Variants in RASGEF1C observed in about 807,000 individuals in gnomAD.
The protein encoded by RASGEF1C is ras-GEF domain-containing family member 1C.
Under a neutral mutation model 58.1 loss-of-function variants are expected in RASGEF1C, and 27 were observed. The observed-to-expected ratio is 0.46, with a 90% confidence interval of 0.34 to 0.64. The LOEUF is 0.64. Ranked by LOEUF, RASGEF1C falls within the 30% of genes least tolerant of loss-of-function variation. The pLI, the probability that RASGEF1C is intolerant of heterozygous loss-of-function variation, is 0.01. For synonymous variants in RASGEF1C, 243 were observed against 246.3 expected (o/e 0.99, Z 0.13); for missense variants, 502 against 605.1 (o/e 0.83, Z 1.79).
At position 180,194,040 on chromosome 5, in the gene RASGEF1C, GA is replaced by G. The variant is rs1292452872; in HGVS notation, c.-7+14987del. 5.2e-3 allele frequency among the ~76,000 whole-genome samples: 700 copies of G among 134,566 alleles called. 10 individuals carry two copies. Among genetic ancestry groups the G allele is most frequent in the East Asian group, 0.027 (127 of 4,768 alleles). The allele number at this position is 134,566 out of a possible 152,430, so 88.3% of individuals were successfully genotyped here. The stretch of plus-strand genomic sequence containing the variant: ...TGTTTGTTTTCTGTATGAAAAGGTT[GA>G]AAAAAAAAAAAAGAGATTCTTTCTC... On this transcript the variant is annotated intron_variant, in intron 1 of 13. Coordinates refer to ENST00000361132, the MANE Select transcript of RASGEF1C (RefSeq NM_175062.4).
intron 1 of RASGEF1C, among the ~76,000 whole-genome samples, chr5:180,141,409 C>T (rs891877416): frequency 2.6e-5 from 4 of 152,222 alleles, no homozygotes; most frequent in Admixed American, 2.0e-4. Flanking sequence ...TCTGAGCCTG[C>T]GGCAACACGG....
intron 11 of RASGEF1C, among the ~76,000 whole-genome samples, chr5:180,112,682 G>T (rs1261168720): frequency 3.3e-5 from 5 of 152,270 alleles, no homozygotes; most frequent in Non-Finnish European, 7.3e-5. Flanking sequence ...TCCAGCTGCT[G>T]CATGGCATGC....
chr5:180,182,112 G>A (rs899075917), intron 1 of RASGEF1C, among the ~76,000 whole-genome samples: 1 of 149,014 alleles, frequency 6.7e-6, no homozygotes, highest in Non-Finnish European at 1.5e-5. Flanking sequence ...GGCTGAGGCA[G>A]GAGAATGGCG....
intron 11 of RASGEF1C, among the ~76,000 whole-genome samples, chr5:180,113,381 C>T (rs1353990286): frequency 2.0e-5 from 1 of 50,198 alleles, no homozygotes; most frequent in Admixed American, 2.0e-4. Flanking sequence ...ACGGAGGGAC[C>T]GGGGATGGAC....
chr5:180,149,891 T>G, intron 1 of RASGEF1C, among the ~76,000 whole-genome samples: 1 of 152,224 alleles, frequency 6.6e-6, no homozygotes, highest in East Asian at 1.9e-4. Flanking sequence ...TTCACTGGGT[T>G]TCCTGGATGT....
intron 3 of RASGEF1C, 103 bp from the exon 4 acceptor site, chr5:180,136,618 C>T: frequency 7.7e-7 from 1 of 1,303,226 alleles, no homozygotes; most frequent in Non-Finnish European, 1.0e-6. Flanking sequence ...CAGGCAGGGC[C>T]TCGTGCCCTC....
rs112308062 is a variant in RASGEF1C at position 180,106,774 on chromosome 5, A to G, written c.1304-4631T>C. ...TGTATGGAGTGTTCTGTAAATGTTGATTAGATTCCTGTTGTTTGATGATAT... is the reference window on the plus strand; with the variant it reads ...TGTATGGAGTGTTCTGTAAATGTTGGTTAGATTCCTGTTGTTTGATGATAT... On this transcript the variant is annotated intron_variant, in intron 12 of 13. Coordinates refer to ENST00000361132, the MANE Select transcript of RASGEF1C (RefSeq NM_175062.4). Among the ~76,000 whole-genome samples, 454 of 152,284 alleles carry G rather than the reference A, an allele frequency of 3.0e-3. 2 individuals carry two copies. The highest frequency in any genetic ancestry group is 0.01 in the African/African-American group (435 of 41,550).
chr5:180,188,405 G>A (rs1261933353), intron 1 of RASGEF1C, among the ~76,000 whole-genome samples: 1 of 152,082 alleles, frequency 6.6e-6, no homozygotes, highest in Non-Finnish European at 1.5e-5. Context: ...AGACAGAGGT[G>A]GCAGTTACAG....
chr5:180,139,353 G>A (rs1035595873), intron 1 of RASGEF1C, among the ~76,000 whole-genome samples: 19 of 152,196 alleles, frequency 1.2e-4, no homozygotes, highest in African/African-American at 3.9e-4. Flanking sequence ...TGCTCATGCC[G>A]TCCTTGCTGC....
intron 1 of RASGEF1C, among the ~76,000 whole-genome samples, chr5:180,174,468 G>GTGTA (rs1391355600): frequency 1.7e-5 from 2 of 114,424 alleles, no homozygotes; most frequent in African/African-American, 3.4e-5. Flanking sequence ...GCATGTCTGT[G>GTGTA]TGTATGTGTG....
chr5:180,117,503 TACA>T (rs1303881966), intron 10 of RASGEF1C, among the ~76,000 whole-genome samples: 21 of 152,154 alleles, frequency 1.4e-4, no homozygotes, highest in East Asian at 3.9e-4. Context: ...CCTTCAAAGG[TACA>T]ACAAGTCTTG....
intron 1 of RASGEF1C, among the ~76,000 whole-genome samples, chr5:180,163,254 C>CGTTTTTTTTTTTTTTT (rs1187829324): frequency 1.4e-5 from 1 of 71,068 alleles, no homozygotes. Context: ...TTTTTTTTTC[C>CGTTTTTTTTTTTTTTT]AGCCTATTGC....
rs34705746 is a variant in RASGEF1C at position 180,101,351 on chromosome 5, TGGGGG to T, written c.*145_*149del. ...GTCTCCTGTGCCCGTATGGCCACTG[TGGGGG>T]GGGGGGGGGCGGGCAGCAGGCCACA... On this transcript the variant is annotated 3_prime_UTR_variant, in exon 14 of 14. Transcript: ENST00000361132. The T allele has an allele frequency of 8.5e-6, 6 of 706,226 alleles. No individual in the cohort carries two copies. Among genetic ancestry groups the T allele is most frequent in the Non-Finnish European group, 1.3e-5 (6 of 445,774 alleles). The allele number at this position is 706,226 out of a possible 1,614,324, so 43.7% of individuals were successfully genotyped here. A position where few individuals can be genotyped will look rare whatever the true frequency, so the allele number is the denominator to read the frequency against.
chr5:180,118,115 G>A (rs1222601054), intron 10 of RASGEF1C, among the ~76,000 whole-genome samples: 4 of 151,998 alleles, frequency 2.6e-5, no homozygotes, highest in Non-Finnish European at 4.4e-5. Context: ...AAAGTATTAC[G>A]TTTAGAATCA....
chr5:180,146,738 G>GT (rs1221339744), intron 1 of RASGEF1C, among the ~76,000 whole-genome samples: 1 of 152,140 alleles, frequency 6.6e-6, no homozygotes, highest in African/African-American at 2.4e-5. Context: ...TGTTGAGGAT[G>GT]TTTGCATCAT....
At chr5:180,207,651 C>G (rs1756512794) in intron 1 of RASGEF1C, among the ~76,000 whole-genome samples, 1 of 152,186 alleles carries the variant, frequency 6.6e-6, no homozygotes, top group Non-Finnish European at 1.5e-5. Context: ...CTCTCCTGCC[C>G]CGGCAGTGCG....
chr5:180,158,587 C>T lies in RASGEF1C; in HGVS notation c.-6-20529G>A, dbSNP rs144407564. Among the ~76,000 whole-genome samples the T allele has an allele frequency of 3.7e-3, 560 of 152,266 alleles. 4 individuals are homozygous for T. Among genetic ancestry groups the T allele is most frequent in the African/African-American group, 0.013 (531 of 41,556 alleles). ...AATTTTCTTTGTTCCCGTAGGGTGA[C>T]CTGTCATGCTGGTTTGCCTGGGACT... On this transcript the variant is annotated intron_variant, in intron 1 of 13. Coordinates refer to ENST00000361132, the MANE Select transcript of RASGEF1C (RefSeq NM_175062.4). This position sits in a 1 kb window ranked among gnomAD's most constrained non-coding sequence, Gnocchi z 4.0.
intron 6 of RASGEF1C, among the ~76,000 whole-genome samples, chr5:180,126,761 C>T (rs1561736446): frequency 1.3e-5 from 2 of 152,202 alleles, no homozygotes; most frequent in Non-Finnish European, 2.9e-5. Context: ...CATTGTCTAT[C>T]CCAAATATCT....
chr5:180,176,785 T>C (rs565094668), intron 1 of RASGEF1C, among the ~76,000 whole-genome samples: 1 of 152,236 alleles, frequency 6.6e-6, no homozygotes, highest in Non-Finnish European at 1.5e-5. Context: ...CTCGATCTCC[T>C]GACTTCATGA....
Sources: allele counts gnomAD v4.1 joint callset (sites outside exome capture counted in the v4.1 genomes callset), GRCh38; gene constraint gnomAD v4.1.1; non-coding constraint Gnocchi (gnomAD v3.1); transcripts MANE v1.5; gene names NCBI Gene and HGNC (gene_info 2026-07-23, HGNC 2026-07-21).